CDH4: variants seen among roughly 807,000 people sequenced by gnomAD.
CDH4 encodes cadherin-4.
CDH4 carries 33 observed loss-of-function variants against 86.0 expected under a neutral mutation model. The ratio of observed to expected loss-of-function variants is 0.38; its 90% confidence interval spans 0.29 to 0.51. The LOEUF is 0.51. CDH4 is among the 20% of genes least tolerant of loss of function. The pLI is 0.86. For synonymous variants in CDH4, 555 were observed against 549.4 expected (o/e 1.01, Z -0.14); for missense variants, 1,114 against 1,307.4 (o/e 0.85, Z 2.28).
intron 6 of CDH4, among the ~76,000 whole-genome samples, chr20:61,858,417 G>T (rs946005812): frequency 1.3e-5 from 2 of 151,368 alleles, no homozygotes; most frequent in Admixed American, 1.3e-4. Context: ...GTCTGCGTCT[G>T]TGTGTGTGTC....
rs568601403 is a variant in CDH4, at chr20:61,709,031, G to T, written c.170-34532G>T. ...GACCTCAGGCTACACGGGCAGTGGG[G>T]CTGCGGCCCAGCTCAGGCCTGGCTC... On this transcript the variant is annotated intron_variant, in intron 2 of 15. Coordinates refer to ENST00000614565, the MANE Select transcript of CDH4 (RefSeq NM_001794.5). This position sits in a 1 kb window ranked among gnomAD's most constrained non-coding sequence, Gnocchi z 4.8. 6.6e-6 allele frequency among the ~76,000 whole-genome samples: 1 copy of T among 152,356 alleles called. No individual in the cohort carries two copies. Among genetic ancestry groups the T allele is most frequent in the African/African-American group, 2.4e-5 (1 of 41,594 alleles).
At chr20:61,869,162 T>C (rs1158164904) in intron 6 of CDH4, among the ~76,000 whole-genome samples, 1 of 152,234 alleles carries the variant, frequency 6.6e-6, no homozygotes, top group African/African-American at 2.4e-5. Flanking sequence ...TTTAAGGTCT[T>C]CCCTTGGTAG....
intron 2 of CDH4, among the ~76,000 whole-genome samples, chr20:61,479,113 C>T (rs1016331898): frequency 1.4e-4 from 21 of 152,018 alleles, no homozygotes; most frequent in African/African-American, 4.6e-4. Context: ...TTTGTTCCTC[C>T]GTATGCAATG....
intron 2 of CDH4, among the ~76,000 whole-genome samples, chr20:61,589,043 A>G (rs988097394): frequency 6.6e-6 from 1 of 152,158 alleles, no homozygotes. Flanking sequence ...GTGGACCCCT[A>G]CATCTGAGGC....
chr20:61,300,421 G>A (rs1448469395), intron 2 of CDH4, among the ~76,000 whole-genome samples: 4 of 152,220 alleles, frequency 2.6e-5, no homozygotes, highest in South Asian at 2.1e-4. Flanking sequence ...GCTGGGCTCC[G>A]GCACAGGGCA....
intron 3 of CDH4, among the ~76,000 whole-genome samples, chr20:61,764,788 A>G (rs2088679765): frequency 6.6e-6 from 1 of 152,034 alleles, no homozygotes; most frequent in African/African-American, 2.4e-5. Flanking sequence ...CCCACATCCC[A>G]GGCATCCACG....
chr20:61,554,436 G>A (rs2086158620), intron 2 of CDH4, among the ~76,000 whole-genome samples: 2 of 152,182 alleles, frequency 1.3e-5, no homozygotes, highest in African/African-American at 4.8e-5. Flanking sequence ...AAGAGTCCAA[G>A]CCCTATTTTC....
chr20:61,262,490 G>T (rs1364300974), intron 2 of CDH4, among the ~76,000 whole-genome samples: 1 of 152,204 alleles, frequency 6.6e-6, no homozygotes, highest in African/African-American at 2.4e-5. Flanking sequence ...TCCACTCTGG[G>T]ACTGCGTGGC....
Position 61,254,922 on chromosome 20 carries a change from GA to G in CDH4, c.158del (p.Lys53SerfsTer50). 6.2e-7 allele frequency: 1 copy of G among 1,602,516 alleles called. No individual in the cohort carries two copies. The highest frequency in any genetic ancestry group is 8.5e-7 in the Non-Finnish European group (1 of 1,169,704). ...AATCTCCCAAAATATTCTAGAAGGG[GA>G]AAAGCTACTTCAAGGTAAGGCGGGG... ...ALISQNILEG[E>X]KLLQVKFSSC... is the part of the protein sequence containing the mutation. On this transcript the variant is annotated frameshift_variant, in exon 2 of 16. Transcript: ENST00000614565. LOFTEE classifies it high-confidence loss of function.
In CDH4 at chr20:61,480,031, G is replaced by T. The variant is rs911640881; in HGVS notation, c.169+225094G>T. ...TTATAGTTTTCATCTATAGAAGTCT[G>T]ATTCGGGACATCTTTTGTGTCTTGA... is the stretch of plus-strand genomic sequence containing the variant. On this transcript the variant is annotated intron_variant, in intron 2 of 15. Transcript: ENST00000614565. The surrounding 1 kb of genome is among the most constrained non-coding windows in gnomAD (Gnocchi z 5.2). 3.9e-5 allele frequency among the ~76,000 whole-genome samples: 6 copies of T among 152,140 alleles called. No individual in the cohort carries two copies. The highest frequency in any genetic ancestry group is 9.7e-5 in the African/African-American group (4 of 41,438).
intron 4 of CDH4, among the ~76,000 whole-genome samples, chr20:61,826,386 A>G (rs1000327967): frequency 1.4e-4 from 22 of 152,168 alleles, no homozygotes; most frequent in Non-Finnish European, 3.1e-4. Flanking sequence ...TCTTGCCTCA[A>G]CACCCACGTG....
intron 4 of CDH4, among the ~76,000 whole-genome samples, chr20:61,836,877 A>G (rs963384597): frequency 2.6e-5 from 4 of 152,240 alleles, no homozygotes; most frequent in African/African-American, 7.2e-5. Flanking sequence ...CTAGTCCAGG[A>G]CCTTGGAGAG....
chr20:61,334,333 C>T (rs937536256), intron 2 of CDH4, among the ~76,000 whole-genome samples: 1 of 152,110 alleles, frequency 6.6e-6, no homozygotes, highest in Non-Finnish European at 1.5e-5. Flanking sequence ...TCCTTGTTTT[C>T]CAGGTGAGGA....
intron 2 of CDH4, among the ~76,000 whole-genome samples, chr20:61,318,847 T>A (rs989034069): frequency 2.0e-5 from 3 of 152,230 alleles, no homozygotes; most frequent in African/African-American, 7.2e-5. Flanking sequence ...TTTCATTCGT[T>A]TATTCACAAA....
In CDH4 at chr20:61,269,975, G is replaced by A. The variant is rs565132646; in HGVS notation, c.169+15038G>A. Among the ~76,000 whole-genome samples, 12 of 152,304 alleles carry A rather than the reference G, an allele frequency of 7.9e-5. No homozygotes were observed. Among genetic ancestry groups the A allele is most frequent in the African/African-American group, 2.9e-4 (12 of 41,558 alleles). On this transcript the variant is annotated intron_variant, in intron 2 of 15. Coordinates refer to ENST00000614565, the MANE Select transcript of CDH4 (RefSeq NM_001794.5). This position sits in a 1 kb window ranked among gnomAD's most constrained non-coding sequence, Gnocchi z 5.3. ...GTGGAGAGGGCCGGCCGACCTTTGC[G>A]GCAGTCATTTTTCCATCAGAAGGTG...
intron 2 of CDH4, among the ~76,000 whole-genome samples, chr20:61,636,637 G>A (rs1433686694): frequency 6.6e-6 from 1 of 152,218 alleles, no homozygotes; most frequent in Non-Finnish European, 1.5e-5. Flanking sequence ...CAGCCCAGCT[G>A]TGGCCTAGGA....
chr20:61,490,903 A>G (rs1429559867), intron 2 of CDH4, among the ~76,000 whole-genome samples: 1 of 152,184 alleles, frequency 6.6e-6, no homozygotes, highest in Non-Finnish European at 1.5e-5. Flanking sequence ...GCTGATAAGG[A>G]TGGTTGAGTG....
intron 2 of CDH4, among the ~76,000 whole-genome samples, chr20:61,351,813 T>C (rs1418311502): frequency 2.0e-5 from 3 of 151,866 alleles, no homozygotes; most frequent in Non-Finnish European, 4.4e-5. Context: ...GCCTCCCAGG[T>C]TCAAGCGATT....
chr20:61,875,559 G>A (rs1196045529), intron 7 of CDH4, among the ~76,000 whole-genome samples: 1 of 152,166 alleles, frequency 6.6e-6, no homozygotes, highest in African/African-American at 2.4e-5. Flanking sequence ...TGGCACAGGC[G>A]AGGACTTTTG....
Sources: gnomAD v4.1 joint callset for allele counts (sites outside exome capture counted in the v4.1 genomes callset) on GRCh38, gnomAD v4.1.1 for gene constraint, Gnocchi (gnomAD v3.1) non-coding constraint, MANE v1.5 for transcripts, NCBI Gene and HGNC (gene_info 2026-07-23, HGNC 2026-07-21) for gene names.